SPOCK3: variants seen among roughly 807,000 people sequenced by gnomAD.
The protein encoded by SPOCK3 is SPARC (osteonectin), cwcv and kazal like domains proteoglycan 3.
In SPOCK3, 30 loss-of-function variants were observed where a neutral mutation model predicts 56.6. The observed-to-expected ratio is 0.53, with a 90% CI of 0.40 to 0.72. The LOEUF (loss-of-function observed/expected upper bound fraction) is 0.72, where lower values mean the gene tolerates loss of function less well. SPOCK3 is among the 30% of genes least tolerant of loss of function. SPOCK3 has a pLI of 0.00. For synonymous variants in SPOCK3, 196 were observed against 183.3 expected (o/e 1.07, Z -0.56); for missense variants, 527 against 530.0 (o/e 0.99, Z 0.06).
chr4:166,840,797 T>TTTTTTTA (rs1245413169), intron 6 of SPOCK3, among the ~76,000 whole-genome samples: 1 of 130,478 alleles, frequency 7.7e-6, no homozygotes, highest in East Asian at 2.1e-4. Context: ...TTTTTTTTTT[T>TTTTTTTA]AGATGCAGTC....
chr4:167,032,654 C>T (rs968286821), intron 3 of SPOCK3, among the ~76,000 whole-genome samples: 8 of 151,360 alleles, frequency 5.3e-5, no homozygotes, highest in Admixed American at 2.0e-4. Context: ...CTAAAATACC[C>T]GAGCTTTATA....
At chr4:167,166,932 A>T (rs1171790424) in intron 2 of SPOCK3, among the ~76,000 whole-genome samples, 1 of 152,158 alleles carries the variant, frequency 6.6e-6, no homozygotes, top group Non-Finnish European at 1.5e-5. Context: ...CTTATAGTGG[A>T]GTTCCATGCC....
intron 2 of SPOCK3, among the ~76,000 whole-genome samples, chr4:167,093,931 A>T (rs923482343): frequency 6.6e-6 from 1 of 152,120 alleles, no homozygotes; most frequent in Non-Finnish European, 1.5e-5. Context: ...ATTTCTTCCA[A>T]ACTTATGTGC....
At chr4:166,982,911 G>T (rs1746741984) in intron 4 of SPOCK3, among the ~76,000 whole-genome samples, 1 of 152,186 alleles carries the variant, frequency 6.6e-6, no homozygotes, top group South Asian at 2.1e-4. Flanking sequence ...AGCATAAGGG[G>T]CAATATTTGT....
At chr4:167,130,847 A>T (rs1264124609) in intron 2 of SPOCK3, among the ~76,000 whole-genome samples, 1 of 152,200 alleles carries the variant, frequency 6.6e-6, no homozygotes, top group African/African-American at 2.4e-5. Flanking sequence ...ATTTAGATTA[A>T]AATATGCTTC....
chr4:167,163,166 A>AT (rs560014140), intron 2 of SPOCK3, among the ~76,000 whole-genome samples: 45,536 of 127,820 alleles, frequency 0.36, 8,190 homozygotes, highest in East Asian at 0.46. Context: ...TTGTTGGGGG[A>AT]TTTTTTTTTT....
intron 7 of SPOCK3, among the ~76,000 whole-genome samples, chr4:166,768,810 A>T (rs1001855306): frequency 6.6e-6 from 1 of 152,080 alleles, no homozygotes; most frequent in African/African-American, 2.4e-5. Context: ...TCTCCCCATC[A>T]CTTTCAGGTA....
intron 7 of SPOCK3, among the ~76,000 whole-genome samples, chr4:166,762,176 A>T (rs893219318): frequency 5.9e-5 from 9 of 152,146 alleles, no homozygotes; most frequent in African/African-American, 1.9e-4. Flanking sequence ...GTAAACATGA[A>T]TTCCTTATTT....
chr4:166,913,082 C>T (rs1282967893), intron 4 of SPOCK3, among the ~76,000 whole-genome samples: 1 of 152,068 alleles, frequency 6.6e-6, no homozygotes, highest in Non-Finnish European at 1.5e-5. Flanking sequence ...ACATCTGGCA[C>T]CTTCTTAAAA....
At chr4:166,896,048 G>A (rs1004173143) in intron 5 of SPOCK3, among the ~76,000 whole-genome samples, 3 of 152,090 alleles carry the variant, frequency 2.0e-5, no homozygotes, top group East Asian at 1.9e-4. Flanking sequence ...GTGGCATAGC[G>A]AAGAGGAAGG....
intron 7 of SPOCK3, among the ~76,000 whole-genome samples, chr4:166,762,759 A>T (rs1260123995): frequency 1.3e-5 from 2 of 152,134 alleles, no homozygotes; most frequent in Non-Finnish European, 2.9e-5. Context: ...AATGAAATAT[A>T]TGCTGGATGG....
chr4:167,216,098 T>A (rs1208826764), intron 2 of SPOCK3, among the ~76,000 whole-genome samples: 4 of 152,152 alleles, frequency 2.6e-5, no homozygotes, highest in Non-Finnish European at 5.9e-5. Flanking sequence ...CACTTCAGAC[T>A]TCTTCTGATG....
intron 4 of SPOCK3, among the ~76,000 whole-genome samples, chr4:166,920,861 T>C (rs1294073532): frequency 6.6e-6 from 1 of 152,208 alleles, no homozygotes; most frequent in East Asian, 1.9e-4. Context: ...TTTTAGCTGC[T>C]TTTAAAAATA....
chr4:166,818,951 A>G (rs1038410086), intron 6 of SPOCK3, among the ~76,000 whole-genome samples: 2 of 152,170 alleles, frequency 1.3e-5, no homozygotes, highest in South Asian at 2.1e-4. Context: ...TTTGAGACAT[A>G]AAAGTCTATT....
chr4:166,737,629 C>T, intron 9 of SPOCK3, 25 bp from the exon 10 acceptor site: 1 of 1,592,926 alleles, frequency 6.3e-7, no homozygotes, highest in Non-Finnish European at 8.5e-7. Context: ...CACAGGCATA[C>T]AAACACACAC....
chr4:167,227,634 G>T (rs1408735248), intron 2 of SPOCK3, among the ~76,000 whole-genome samples: 3 of 151,940 alleles, frequency 2.0e-5, no homozygotes, highest in Non-Finnish European at 4.4e-5. Context: ...AAGATGAAAT[G>T]ATTTTCATAA....
chr4:166,972,601 C>T (rs1745507493), intron 4 of SPOCK3, among the ~76,000 whole-genome samples: 1 of 152,094 alleles, frequency 6.6e-6, no homozygotes, highest in Admixed American at 6.6e-5. Context: ...AATCCTATGT[C>T]AAATGCTTCA....
chr4:166,747,529 T>C (rs1735799145), intron 8 of SPOCK3, among the ~76,000 whole-genome samples: 1 of 152,172 alleles, frequency 6.6e-6, no homozygotes, highest in South Asian at 2.1e-4. Flanking sequence ...GCCAATATCA[T>C]ACTGAATGGC....
At position 166,953,523 on chromosome 4, in the gene SPOCK3, G is replaced by A. The variant is rs576245968; in HGVS notation, c.351-40780C>T. On this transcript the variant is annotated intron_variant, in intron 4 of 10. Coordinates refer to ENST00000357545, the MANE Select transcript of SPOCK3 (RefSeq NM_001040159.2). ...TAGTTCAACCATTGTGGAAGTCAGTGTGGTGATTCCTCAGGGATCTAGAAC... is the reference window on the plus strand; with the variant it reads ...TAGTTCAACCATTGTGGAAGTCAGTATGGTGATTCCTCAGGGATCTAGAAC... Among the ~76,000 whole-genome samples, 12 of 152,102 alleles carry A rather than the reference G, an allele frequency of 7.9e-5. No individual in the cohort carries two copies. The East Asian group carries it at 2.3e-3, about 29-fold the overall frequency.
Sources: gnomAD v4.1 joint callset for allele counts (sites outside exome capture counted in the v4.1 genomes callset) on GRCh38, gnomAD v4.1.1 for gene constraint, MANE v1.5 for transcripts, NCBI Gene and HGNC (gene_info 2026-07-23, HGNC 2026-07-21) for gene names.